The following UTP18 variants were observed in gnomAD, a reference collection of about 807,000 sequenced individuals.
UTP18 encodes the protein UTP18 small subunit processome component, also known as U3 small nucleolar RNA-associated protein 18 homolog.
A neutral mutation model predicts 61.1 loss-of-function variants in UTP18; 36 were observed. The observed-to-expected ratio is 0.59, with a 90% CI of 0.45 to 0.78. The LOEUF is 0.78. Among genes scored for constraint, UTP18 ranks in the 30% least tolerant of loss-of-function variants. The pLI is 0.00. For synonymous variants in UTP18, 282 were observed against 251.1 expected (o/e 1.12, Z -1.16); for missense variants, 753 against 693.9 (o/e 1.09, Z -0.96).
intron 4 of UTP18, among the ~76,000 whole-genome samples, chr17:51,270,192 T>A (rs2144403132): frequency 6.6e-6 from 1 of 152,312 alleles, no homozygotes; most frequent in South Asian, 2.1e-4. Context: ...TTAAGAACTG[T>A]TAGACAGTTT....
At chr17:51,276,308 G>A (rs181550518) in intron 6 of UTP18, among the ~76,000 whole-genome samples, 45 of 152,256 alleles carry the variant, frequency 3.0e-4, no homozygotes, top group African/African-American at 1.0e-3. Flanking sequence ...TTTATTGAAT[G>A]CACCTGTATG....
chr17:51,274,138 G>C (rs60173307), intron 5 of UTP18, among the ~76,000 whole-genome samples: 1 of 151,656 alleles, frequency 6.6e-6, no homozygotes, highest in African/African-American at 2.4e-5. Context: ...CATGCTGCTA[G>C]GTCCTTTCTT....
chr17:51,265,562 C>CTTTTTT (rs10695281), intron 2 of UTP18, among the ~76,000 whole-genome samples: 24 of 85,552 alleles, frequency 2.8e-4, no homozygotes, highest in Admixed American at 1.3e-3. Flanking sequence ...CGTGCCCGGC[C>CTTTTTT]TTTTTTTTTT....
rs1396710788 is a variant in UTP18, at chr17:51,260,918, G to A, written c.334G>A (p.Gly112Ser). 3.8e-6 allele frequency: 6 copies of A among 1,577,696 alleles called. No individual in the cohort carries two copies. The African/African-American group carries it at 6.9e-5, about 18-fold the overall frequency. The change falls in exon 1 of 14, where the codon GGC becomes AGC. Residue 112 changes from glycine (G) to serine (S), a missense_variant. Transcript: ENST00000225298. Reference protein sequence around the residue: ...DEDALLRRLRGPRVQEHEDSG... With the variant: ...DEDALLRRLRSPRVQEHEDSG... ...GGACGCGTTGCTGCGGCGTCTGCGA[G>A]GCCCGAGGGTGAGGGAGGCCGCGGC... is the stretch of plus-strand genomic sequence containing the variant.
chr17:51,287,288 C>G (rs1442212348), intron 10 of UTP18, among the ~76,000 whole-genome samples: 2 of 152,132 alleles, frequency 1.3e-5, no homozygotes, highest in Non-Finnish European at 2.9e-5. Flanking sequence ...TTAGAATCTT[C>G]AAGTTATTCT....
At chr17:51,268,014 G>GTTTTTTTTTT (rs895927915) in intron 3 of UTP18, among the ~76,000 whole-genome samples, 2 of 127,084 alleles carry the variant, frequency 1.6e-5, no homozygotes, top group African/African-American at 6.0e-5. Flanking sequence ...TTTGTTTTTT[G>GTTTTTTTTTT]TTTTTTTTTT....
intron 4 of UTP18, among the ~76,000 whole-genome samples, chr17:51,269,317 AAAAAAAAAAC>A (rs1904429169): frequency 2.0e-5 from 3 of 150,782 alleles, no homozygotes; most frequent in Non-Finnish European, 4.4e-5. Context: ...AAAAAAAAAA[AAAAAAAAAAC>A]CAAAAAAATC....
At chr17:51,291,510 G>A (rs1390637696) in intron 11 of UTP18, among the ~76,000 whole-genome samples, 1 of 152,118 alleles carries the variant, frequency 6.6e-6, no homozygotes, top group Non-Finnish European at 1.5e-5. Context: ...CAAGGTGAGA[G>A]GATCACTTGA....
intron 5 of UTP18, 124 bp downstream of exon 5, chr17:51,273,574 G>T: frequency 3.2e-6 from 2 of 630,798 alleles, no homozygotes; most frequent in Non-Finnish European, 2.5e-6. Context: ...CTGTCATTTT[G>T]CCCTGGTAAA....
At chr17:51,289,270 C>T (rs1463746886) in intron 11 of UTP18, among the ~76,000 whole-genome samples, 1 of 147,292 alleles carries the variant, frequency 6.8e-6, no homozygotes, top group Non-Finnish European at 1.5e-5. Flanking sequence ...GATCTCGGCT[C>T]ACTGCAGCCT....
At chr17:51,296,935 G>C in intron 12 of UTP18, 30 bp from the exon 13 acceptor site, 1 of 1,600,584 alleles carries the variant, frequency 6.2e-7, no homozygotes, top group East Asian at 2.3e-5. Context: ...TTACAAAGTT[G>C]TTCAGATGAC....
chr17:51,263,527 G>A (rs2055529387), intron 2 of UTP18, 141 bp downstream of exon 2: 2 of 686,156 alleles, frequency 2.9e-6, no homozygotes, highest in Admixed American at 5.8e-5. Flanking sequence ...GATCTTTCAT[G>A]GTTCCTGATC....
chr17:51,268,907 G>A lies in UTP18; in HGVS notation c.622+3G>A. 1.2e-6 allele frequency: 2 copies of A among 1,613,454 alleles called. No individual in the cohort carries two copies. The highest frequency in any genetic ancestry group is 1.7e-6 in the Non-Finnish European group (2 of 1,179,562). On this transcript the variant is annotated splice_donor_region_variant and intron_variant, in intron 4 of 13. Transcript: ENST00000225298. ...TAAGCGGAAAACATCTTCAGATGGT[G>A]AGCGTTGATATTTCTGTTTAAATTA... is the stretch of plus-strand genomic sequence containing the variant.
intron 10 of UTP18, among the ~76,000 whole-genome samples, chr17:51,285,665 G>C (rs1905082451): frequency 6.6e-6 from 1 of 152,148 alleles, no homozygotes; most frequent in Admixed American, 6.5e-5. Context: ...CCACATTCAC[G>C]TAACTTTTAT....
chr17:51,285,503 C>A, intron 10 of UTP18, 135 bp downstream of exon 10: 1 of 1,071,656 alleles, frequency 9.3e-7, no homozygotes, highest in Non-Finnish European at 1.3e-6. Context: ...GTCAACCCAG[C>A]TGAGCTTTTT....
chr17:51,286,229 T>C (rs1252398112), intron 10 of UTP18, among the ~76,000 whole-genome samples: 1 of 152,210 alleles, frequency 6.6e-6, no homozygotes, highest in Non-Finnish European at 1.5e-5. Flanking sequence ...TTCTACTACT[T>C]GATTCTGAAG....
rs2055436249 is a variant in UTP18, at chr17:51,260,786, G to T, written c.202G>T (p.Glu68Ter). The change falls in exon 1 of 14, where the codon GAA (glutamate) becomes TAA (stop). Residue 68 changes from glutamate (E) to a stop codon, truncating the protein, a stop_gained. Coordinates refer to ENST00000225298, the MANE Select transcript of UTP18 (RefSeq NM_016001.3). LOFTEE classifies it high-confidence loss of function. ...AAAIAVAAAE[E>*]ERRLRQRNRL... ...TGCGATTGCAGTCGCGGCGGCGGAG[G>T]AAGAGAGACGGCTCCGGCAGCGGAA... 1 of 1,579,294 alleles carries T rather than the reference G, an allele frequency of 6.3e-7. No individual in the cohort carries two copies. The highest frequency in any genetic ancestry group is 8.6e-7 in the Non-Finnish European group (1 of 1,163,994).
At chr17:51,265,966 G>A (rs2055556576) in intron 2 of UTP18, among the ~76,000 whole-genome samples, 1 of 152,190 alleles carries the variant, frequency 6.6e-6, no homozygotes, top group African/African-American at 2.4e-5. Context: ...TTCTCAAATA[G>A]TAGCTCTCCA....
chr17:51,261,630 A>G (rs1328826559), intron 1 of UTP18, among the ~76,000 whole-genome samples: 2 of 152,204 alleles, frequency 1.3e-5, no homozygotes, highest in African/African-American at 4.8e-5. Context: ...TGCTAGTGGC[A>G]GAGACAAGAT....
Sources: allele counts gnomAD v4.1 joint callset (sites outside exome capture counted in the v4.1 genomes callset), GRCh38; gene constraint gnomAD v4.1.1; transcripts MANE v1.5; gene names NCBI Gene and HGNC (gene_info 2026-07-23, HGNC 2026-07-21).